The following FMN1 variants were observed in gnomAD, a reference collection of about 807,000 sequenced individuals.
FMN1 encodes formin 1.
A neutral mutation model predicts 132.4 loss-of-function variants in FMN1; 110 were observed. The observed-to-expected ratio is 0.83, with a 90% CI of 0.71 to 0.97. FMN1 has a LOEUF of 0.97. FMN1 is among the 50% of genes least tolerant of loss of function. FMN1 has a pLI of 0.00. For missense variants in FMN1, 1,792 were observed against 1,705.3 expected, an observed-to-expected ratio of 1.05 and a Z score of -0.90; for synonymous variants, 722 against 651.7, an observed-to-expected ratio of 1.11 and a Z score of -1.64.
chr15:33,079,152 T>A (rs1274862550), intron 5 of FMN1, among the ~76,000 whole-genome samples: 2 of 152,198 alleles, frequency 1.3e-5, no homozygotes, highest in Non-Finnish European at 2.9e-5. Context: ...GTTTTCTCTG[T>A]ATATACCCTC....
chr15:32,770,047 GA>G lies in FMN1; in HGVS notation c.*4262del, dbSNP rs1284129410. ...TTTAATATTTGGATCAGATATGTGG[GA>G]GGGGGGAAGGCTATATATTTTTGGA... On this transcript the variant is annotated 3_prime_UTR_variant, in exon 21 of 21. Coordinates refer to ENST00000616417, the MANE Select transcript of FMN1 (RefSeq NM_001277313.2). The G allele has an allele frequency of 6.6e-6, 1 of 152,190 alleles. No homozygotes were observed. The highest frequency in any genetic ancestry group is 1.9e-4 in the East Asian group (1 of 5,198). The allele number at this position is 152,190 out of a possible 1,614,324, so 9.4% of individuals were successfully genotyped here.
intron 4 of FMN1, among the ~76,000 whole-genome samples, chr15:33,138,875 C>A (rs1170490788): frequency 6.6e-6 from 1 of 152,084 alleles, no homozygotes; most frequent in African/African-American, 2.4e-5. Context: ...CTATCTCTGA[C>A]CTAACCTCAA....
intron 16 of FMN1, among the ~76,000 whole-genome samples, chr15:32,873,009 T>C (rs535213610): frequency 6.6e-6 from 1 of 152,302 alleles, no homozygotes; most frequent in Admixed American, 6.5e-5. Flanking sequence ...TGGTATCTAG[T>C]CTTGGCTCCA....
At chr15:32,821,850 C>T (rs2058226998) in intron 17 of FMN1, among the ~76,000 whole-genome samples, 1 of 152,156 alleles carries the variant, frequency 6.6e-6, no homozygotes, top group South Asian at 2.1e-4. Context: ...GGGAGGCTTG[C>T]TTTTCCTTTC....
At chr15:33,006,323 A>C (rs143002100) in intron 7 of FMN1, among the ~76,000 whole-genome samples, 60 of 152,360 alleles carry the variant, frequency 3.9e-4, no homozygotes, top group African/African-American at 1.3e-3. Context: ...AGGGAAATGC[A>C]AACTAAAACC....
chr15:33,110,021 C>T (rs1214711349), intron 4 of FMN1, among the ~76,000 whole-genome samples: 3 of 151,948 alleles, frequency 2.0e-5, no homozygotes, highest in Admixed American at 6.6e-5. Context: ...TGGGTAAGTG[C>T]ACGAATACTC....
chr15:33,010,559 TTCA>T (rs2034656939), intron 6 of FMN1, among the ~76,000 whole-genome samples: 2 of 152,182 alleles, frequency 1.3e-5, no homozygotes, highest in African/African-American at 4.8e-5. Flanking sequence ...ATTGTTGATA[TTCA>T]TCATTTTTCT....
rs187848582 is a variant in FMN1, at chr15:32,851,013, G to A, written c.3928+6002C>T. ...GCAGAGCTTGCAGTGAGCCAAGATC[G>A]CGCCACTGCACTACAGCCTGGGTGA... On this transcript the variant is annotated intron_variant, in intron 17 of 20. Transcript: ENST00000616417. Among the ~76,000 whole-genome samples, 434 of 151,802 alleles carry A rather than the reference G, an allele frequency of 2.9e-3. 5 individuals carry two copies. Among genetic ancestry groups the A allele is most frequent in the African/African-American group, 9.8e-3 (404 of 41,234 alleles).
At chr15:32,920,461 A>C (rs2060793719) in intron 10 of FMN1, among the ~76,000 whole-genome samples, 1 of 152,130 alleles carries the variant, frequency 6.6e-6, no homozygotes. Context: ...CAGCATATGG[A>C]TTTGGCTTTC....
rs777733318 is a variant in FMN1, at chr15:33,154,307, G to A, written c.608C>T (p.Pro203Leu). Residue 203 changes from proline to leucine, a missense_variant, in exon 4 of 21, where the codon CCT becomes CTT. This residue lies in a region of FMN1 where 638 missense variants were observed against 645.2 expected (regional missense o/e 0.99). Transcript: ENST00000616417. Reference sequence around the variant, plus strand: ...AAGGTTAGGCCTTGTTCTAGAAAGAGGAAGGGAGTGGCTGGAACAGATCTT... The same window carrying A: ...AAGGTTAGGCCTTGTTCTAGAAAGAAGAAGGGAGTGGCTGGAACAGATCTT... ...KDKICSSHSLPLSRTRPNLWV... is the reference protein window; with the variant it reads ...KDKICSSHSLLLSRTRPNLWV... 1 of 1,536,220 alleles carries A rather than the reference G, an allele frequency of 6.5e-7. No homozygotes were observed.
rs117557106 is a variant in FMN1, at chr15:33,167,221, G to A, written c.-131-12176C>T. ...GTGGGGATAACTGAATCATGGTGGC[G>A]GTTTTCCCAATACTGTTCTCATGGT... is the stretch of plus-strand genomic sequence containing the variant. On this transcript the variant is annotated intron_variant, in intron 3 of 20. Coordinates refer to ENST00000616417, the MANE Select transcript of FMN1 (RefSeq NM_001277313.2). Among the ~76,000 whole-genome samples the A allele has an allele frequency of 7.2e-4, 109 of 152,150 alleles. 1 individual carries two copies. The East Asian group carries it at 0.018, about 25-fold the overall frequency.
chr15:32,976,456 C>T (rs1260564869), intron 7 of FMN1, among the ~76,000 whole-genome samples: 1 of 152,072 alleles, frequency 6.6e-6, no homozygotes, highest in South Asian at 2.1e-4. Flanking sequence ...TTCAATAATC[C>T]CTTAGTTAAT....
Position 33,024,223 on chromosome 15 carries a change from A to ATTTTTTTTTTTTTTTTT in FMN1, c.2162-16165_2162-16149dup, listed in dbSNP as rs555760509. ...GGGAATACTATTTCACACCTATCAG[A>ATTTTTTTTTTTTTTTTT]TTTTTTTTTTTTTTTTTTTTTTTTT... On this transcript the variant is annotated intron_variant, in intron 6 of 20. Coordinates refer to ENST00000616417, the MANE Select transcript of FMN1 (RefSeq NM_001277313.2). 2.5e-4 allele frequency among the ~76,000 whole-genome samples: 22 copies of ATTTTTTTTTTTTTTTTT among 88,018 alleles called. 3 individuals carry two copies. The highest frequency in any genetic ancestry group is 9.6e-4 in the East Asian group (2 of 2,086). The allele number at this position is 88,018 out of a possible 152,430, so 57.7% of individuals were successfully genotyped here. A position where few individuals can be genotyped will look rare whatever the true frequency, so the allele number is the denominator to read the frequency against.
At chr15:32,960,903 G>A (rs558436875) in intron 9 of FMN1, among the ~76,000 whole-genome samples, 56 of 146,988 alleles carry the variant, frequency 3.8e-4, no homozygotes, top group Middle Eastern at 7.4e-3. Context: ...GCTGAAGCAG[G>A]AGAATTGCTT....
chr15:32,871,972 G>A (rs1282614399), intron 16 of FMN1, among the ~76,000 whole-genome samples: 1 of 151,674 alleles, frequency 6.6e-6, no homozygotes, highest in Non-Finnish European at 1.5e-5. Context: ...ATATATGAGA[G>A]TTGATATAGA....
At chr15:33,126,415 T>C (rs1963073225) in intron 4 of FMN1, among the ~76,000 whole-genome samples, 1 of 152,148 alleles carries the variant, frequency 6.6e-6, no homozygotes, top group Non-Finnish European at 1.5e-5. Flanking sequence ...CCAGAGCTTC[T>C]GGAGGGTGAG....
chr15:33,123,790 T>C (rs532721982), intron 4 of FMN1, among the ~76,000 whole-genome samples: 1 of 152,356 alleles, frequency 6.6e-6, no homozygotes, highest in South Asian at 2.1e-4. Context: ...GAACTTCTTG[T>C]ATTACAAGTG....
chr15:32,789,111 A>G (rs2140931812), intron 19 of FMN1, among the ~76,000 whole-genome samples: 1 of 152,348 alleles, frequency 6.6e-6, no homozygotes, highest in South Asian at 2.1e-4. Flanking sequence ...TGTTCAACAA[A>G]TACTAACTCA....
At chr15:32,865,456 A>G (rs1169653959) in intron 16 of FMN1, among the ~76,000 whole-genome samples, 1 of 152,248 alleles carries the variant, frequency 6.6e-6, no homozygotes, top group Non-Finnish European at 1.5e-5. Flanking sequence ...TAGGAATCAA[A>G]AGTGGGAAAT....
Sources: allele counts gnomAD v4.1 joint callset (sites outside exome capture counted in the v4.1 genomes callset), GRCh38; gene constraint gnomAD v4.1.1; regional missense constraint gnomAD v4.1.1; transcripts MANE v1.5; gene names NCBI Gene and HGNC (gene_info 2026-07-23, HGNC 2026-07-21).